Variants in STAB2 observed in about 807,000 individuals in gnomAD.
STAB2 encodes the protein stabilin-2.
In STAB2, 288 loss-of-function variants were observed where a neutral mutation model predicts 338.1. The ratio of observed to expected loss-of-function variants is 0.85; its 90% CI spans 0.77 to 0.94. STAB2 has a LOEUF of 0.94. Among genes scored for constraint, STAB2 ranks in the 40% least tolerant of loss-of-function variants. The pLI is 0.00. For missense variants in STAB2, 3,141 were observed against 3,210.1 expected, an observed-to-expected ratio of 0.98 and a Z score of 0.52; for synonymous variants, 1,202 against 1,193.3, an observed-to-expected ratio of 1.01 and a Z score of -0.15.
At position 103,655,472 on chromosome 12, in the gene STAB2, A is replaced by T. The variant is rs542299326; in HGVS notation, c.1625A>T (p.His542Leu). ...CAAATGCAGGAAACCAATTTGGGACATGCCTTAGATGAGGATGGAGTTGGT... is the reference window on the plus strand; with the variant it reads ...CAAATGCAGGAAACCAATTTGGGACTTGCCTTAGATGAGGATGGAGTTGGT... The part of the protein sequence containing the change: ...RSLLEETNLG[H>L]ALDEDGVGGP... Residue 542 changes from histidine to leucine, a missense_variant, in exon 15 of 69, where the codon CAT (histidine) becomes CTT (leucine). Physicochemically the swap from His to Leu is moderately conservative, Grantham distance 99. Transcript: ENST00000388887. The T allele has an allele frequency of 6.2e-7, 1 of 1,614,104 alleles. No homozygotes were observed. Among genetic ancestry groups the T allele is most frequent in the East Asian group, 2.2e-5 (1 of 44,872 alleles).
chr12:103,665,104 C>T (rs1055128321), intron 18 of STAB2, among the ~76,000 whole-genome samples: 3 of 152,214 alleles, frequency 2.0e-5, no homozygotes, highest in African/African-American at 7.2e-5. Flanking sequence ...AGAATGAACT[C>T]TTCCTTTACT....
intron 19 of STAB2, among the ~76,000 whole-genome samples, chr12:103,668,381 G>C (rs972788024): frequency 1.3e-5 from 2 of 152,210 alleles, no homozygotes; most frequent in Non-Finnish European, 2.9e-5. Flanking sequence ...AGAGACATCT[G>C]CTGTGGCATG....
chr12:103,728,562 C>G (rs1403018340), intron 47 of STAB2, among the ~76,000 whole-genome samples: 2 of 152,250 alleles, frequency 1.3e-5, no homozygotes, highest in Non-Finnish European at 2.9e-5. Context: ...AGGATCATCT[C>G]ACAGAACTTG....
chr12:103,700,168 T>C (rs901710782), intron 34 of STAB2, among the ~76,000 whole-genome samples: 1 of 152,210 alleles, frequency 6.6e-6, no homozygotes, highest in East Asian at 1.9e-4. Flanking sequence ...GGCTCAATAT[T>C]TAATATATTT....
At chr12:103,740,962 A>G (rs1882538139) in intron 55 of STAB2, among the ~76,000 whole-genome samples, 1 of 152,110 alleles carries the variant, frequency 6.6e-6, no homozygotes, top group Non-Finnish European at 1.5e-5. Context: ...TGCTGTGCAT[A>G]TATTGTAATT....
chr12:103,631,754 T>G, intron 6 of STAB2, 61 bp downstream of exon 6: 1 of 1,526,732 alleles, frequency 6.5e-7, no homozygotes, highest in East Asian at 2.3e-5. Context: ...TGTATGCATT[T>G]CAATTTTGTA....
At chr12:103,754,961 A>T (rs77760316) in intron 61 of STAB2, 2,379 of 218,854 alleles carry the variant, frequency 0.011, 63 homozygotes, top group African/African-American at 0.05. Flanking sequence ...AAAAAAAAAA[A>T]TTTGAGTTCT....
chr12:103,658,298 G>A (rs1198824879), intron 15 of STAB2, among the ~76,000 whole-genome samples: 1 of 152,180 alleles, frequency 6.6e-6, no homozygotes, highest in East Asian at 1.9e-4. Flanking sequence ...ATAAAAGAAA[G>A]AATGTGTCGC....
rs549975659 is a variant in STAB2, at chr12:103,604,875, G to A, written c.331+10365G>A. 6.0e-5 allele frequency among the ~76,000 whole-genome samples: 9 copies of A among 150,894 alleles called. No homozygotes were observed. The South Asian group carries it at 1.9e-3, about 32-fold the overall frequency. On this transcript the variant is annotated intron_variant, in intron 3 of 68. Transcript: ENST00000388887. ...ACTTTATACCTCCTATCTTCTGCTT[G>A]CTTGGGTTTCATGTGCTATTATTTT...
chr12:103,611,208 A>G (rs536747142), intron 3 of STAB2, among the ~76,000 whole-genome samples: 5 of 152,056 alleles, frequency 3.3e-5, no homozygotes, highest in South Asian at 2.1e-4. Flanking sequence ...TTAGGTCCGC[A>G]TGGTGCAGAG....
At position 103,590,935 on chromosome 12, in the gene STAB2, G is replaced by C; in HGVS notation, c.120G>C (p.Arg40Ser). 1 of 1,614,032 alleles carries C rather than the reference G, an allele frequency of 6.2e-7. No homozygotes were observed. The highest frequency in any genetic ancestry group is 1.1e-5 in the South Asian group (1 of 91,062). Residue 40 changes from arginine to serine, a missense_variant, in exon 2 of 69, where the codon AGG becomes AGC. Transcript: ENST00000388887. ...RCDRKSLLTI[R>S]TECRSCALNL... is the part of the protein sequence containing the mutation. The stretch of plus-strand genomic sequence containing the variant: ...ATAGGAAGTCTCTTCTTACAATTAG[G>C]ACCGAGTGCCGATCCTGCGCTCTCA...
chr12:103,691,908 G>A (rs995350301), intron 30 of STAB2, among the ~76,000 whole-genome samples: 14 of 146,346 alleles, frequency 9.6e-5, no homozygotes, highest in Non-Finnish European at 2.1e-4. Flanking sequence ...ATTGGTGGCT[G>A]AGTGGGTGGG....
intron 5 of STAB2, among the ~76,000 whole-genome samples, chr12:103,628,382 A>G (rs990329359): frequency 2.0e-5 from 3 of 152,214 alleles, no homozygotes; most frequent in African/African-American, 7.2e-5. Context: ...CTTGGGTGCA[A>G]AATTTAAGGA....
Position 103,742,401 on chromosome 12 carries a change from C to T in STAB2, c.5882-4C>T, listed in dbSNP as rs377065853. The T allele has an allele frequency of 2.2e-5, 35 of 1,613,790 alleles. No individual in the cohort carries two copies. In the African/African-American group the frequency reaches 4.3e-4, roughly 20 times the overall value. ...TTGAGTCACTGCTGTTTCATCTCTT[C>T]CAGCCTGCCCTGGAGGACCAGATGC... is the stretch of plus-strand genomic sequence containing the variant. On this transcript the variant is annotated splice_polypyrimidine_tract_variant and splice_region_variant and intron_variant, in intron 55 of 68. Transcript: ENST00000388887.
intron 68 of STAB2, 188 bp from the exon 69 acceptor site, chr12:103,766,098 A>T: frequency 1.3e-6 from 1 of 747,168 alleles, no homozygotes; most frequent in Non-Finnish European, 2.4e-6. Context: ...AGAGACTAAA[A>T]CAGGTGGCCC....
chr12:103,624,347 C>T (rs992550055), intron 5 of STAB2, among the ~76,000 whole-genome samples: 1 of 152,168 alleles, frequency 6.6e-6, no homozygotes, highest in East Asian at 1.9e-4. Context: ...ATCTAGCTTG[C>T]TCCAGTGATG....
rs1056979884 is a variant in STAB2 at position 103,618,050 on chromosome 12, T to G, written c.332-2418T>G. Among the ~76,000 whole-genome samples, 10 of 152,364 alleles carry G rather than the reference T, an allele frequency of 6.6e-5. 1 individual carries two copies. Among genetic ancestry groups the G allele is most frequent in the Admixed American group, 3.3e-4 (5 of 15,306 alleles). On this transcript the variant is annotated intron_variant, in intron 3 of 68. Transcript: ENST00000388887. The stretch of plus-strand genomic sequence containing the variant: ...CTAAAGAACTAGCCTAGTAACTTAA[T>G]GGAGCCCCCAGGGTCTCTTTCAGAG...
intron 3 of STAB2, among the ~76,000 whole-genome samples, chr12:103,604,261 T>G (rs553888690): frequency 2.0e-5 from 3 of 152,126 alleles, no homozygotes; most frequent in African/African-American, 7.2e-5. Context: ...CTAGGTTCAG[T>G]TGGCTATAAT....
Position 103,755,476 on chromosome 12 carries a change from C to A in STAB2, c.6880+9C>A, listed in dbSNP as rs1403673004. 1.3e-5 allele frequency: 21 copies of A among 1,612,796 alleles called. No homozygotes were observed. The highest frequency in any genetic ancestry group is 1.7e-5 in the Non-Finnish European group (20 of 1,179,060). Reference sequence around the variant, plus strand: ...CTGCTATCGGATGAAAGGTAACCGCCCCAGCTACACTTCAGGTTCTGGGCC... The same window carrying A: ...CTGCTATCGGATGAAAGGTAACCGCACCAGCTACACTTCAGGTTCTGGGCC... On this transcript the variant is annotated intron_variant, in intron 62 of 68. Transcript: ENST00000388887.
Sources: gnomAD v4.1 joint callset for allele counts (sites outside exome capture counted in the v4.1 genomes callset) on GRCh38, gnomAD v4.1.1 for gene constraint, MANE v1.5 for transcripts, NCBI Gene and HGNC (gene_info 2026-07-23, HGNC 2026-07-21) for gene names.